CNTNAP5: variants seen among roughly 807,000 people sequenced by gnomAD.
The protein encoded by CNTNAP5 is contactin-associated protein-like 5.
A neutral mutation model predicts 150.2 loss-of-function variants in CNTNAP5; 72 were observed. The ratio of observed to expected loss-of-function variants is 0.48; its 90% CI spans 0.40 to 0.58. The LOEUF (loss-of-function observed/expected upper bound fraction) is 0.58. Among genes scored for constraint, CNTNAP5 ranks in the 20% least tolerant of loss-of-function variants. The probability of loss-of-function intolerance (pLI) is 0.00; values close to 1 mark genes in which losing one functional copy is unlikely to be tolerated. For missense variants in CNTNAP5, 1,636 were observed against 1,626.2 expected (o/e 1.01, Z -0.10); for synonymous variants, 672 against 619.8 (o/e 1.08, Z -1.25).
At chr2:124,071,770 C>A (rs1200705547) in intron 1 of CNTNAP5, among the ~76,000 whole-genome samples, 3 of 151,926 alleles carry the variant, frequency 2.0e-5, no homozygotes, top group Non-Finnish European at 4.4e-5. Flanking sequence ...AGCCTCACTG[C>A]TGAATTCTAC....
intron 4 of CNTNAP5, among the ~76,000 whole-genome samples, chr2:124,428,825 G>T (rs1004225236): frequency 6.6e-6 from 1 of 152,100 alleles, no homozygotes; most frequent in Non-Finnish European, 1.5e-5. Flanking sequence ...ATCTCCACAA[G>T]TGTGTTAGAG....
rs1382288032 is a variant in CNTNAP5 at position 124,122,355 on chromosome 2, TA to T, written c.82+96626del. Among the ~76,000 whole-genome samples the T allele has an allele frequency of 4.6e-5, 7 of 152,216 alleles. No individual in the cohort carries two copies. The East Asian group carries it at 1.2e-3, about 25-fold the overall frequency. On this transcript the variant is annotated intron_variant, in intron 1 of 23. Coordinates refer to ENST00000682447, the MANE Select transcript of CNTNAP5 (RefSeq NM_001367498.1). ...AGTCATAACAGCCCTTGCTTATTTT[TA>T]AAGTGTTTGCATATTGAATGATTCT...
intron 5 of CNTNAP5, among the ~76,000 whole-genome samples, chr2:124,446,174 C>A (rs1476195810): frequency 6.6e-6 from 1 of 152,114 alleles, no homozygotes; most frequent in Non-Finnish European, 1.5e-5. Context: ...CCTCCCTGAG[C>A]CTCAGAGTTC....
At chr2:124,346,929 A>AAT (rs574098540) in intron 3 of CNTNAP5, among the ~76,000 whole-genome samples, 160 of 150,340 alleles carry the variant, frequency 1.1e-3, no homozygotes, top group Non-Finnish European at 1.9e-3. Flanking sequence ...AAAAAAAAAA[A>AAT]AAAAATAGCT....
intron 13 of CNTNAP5, among the ~76,000 whole-genome samples, chr2:124,719,729 C>CT (rs1372187833): frequency 6.6e-6 from 1 of 151,944 alleles, no homozygotes; most frequent in African/African-American, 2.4e-5. Context: ...TGTAATTAAT[C>CT]TTTTTTATTA....
At chr2:124,814,761 T>G (rs1573635684) in intron 19 of CNTNAP5, among the ~76,000 whole-genome samples, 1 of 152,168 alleles carries the variant, frequency 6.6e-6, no homozygotes, top group Admixed American at 6.6e-5. Context: ...TTAAAAAAGT[T>G]GCAGATAATA....
rs71394021 is a variant in CNTNAP5, at chr2:124,084,924, GT to G, written c.82+59207del. Reference sequence around the variant, plus strand: ...TAAAAATTATGAATTCAAGTTTCCTGTTTTTTTTTTTTTTTGAGACGGAGTC... The same window carrying G: ...TAAAAATTATGAATTCAAGTTTCCTGTTTTTTTTTTTTTTGAGACGGAGTC... On this transcript the variant is annotated intron_variant, in intron 1 of 23. Transcript: ENST00000682447. Among the ~76,000 whole-genome samples the G allele has an allele frequency of 3.6e-4, 32 of 89,992 alleles. 1 individual carries two copies. The highest frequency in any genetic ancestry group is 1.2e-3 in the African/African-American group (29 of 23,762). The allele number at this position is 89,992 out of a possible 152,430, so 59.0% of individuals were successfully genotyped here. A position where few individuals can be genotyped will look rare whatever the true frequency, so the allele number is the denominator to read the frequency against.
intron 3 of CNTNAP5, among the ~76,000 whole-genome samples, chr2:124,336,743 A>G (rs1475944115): frequency 6.6e-6 from 1 of 151,904 alleles, no homozygotes. Flanking sequence ...CATGGTATAT[A>G]TGTGCCACAT....
chr2:124,450,583 G>A (rs900866148), intron 6 of CNTNAP5, among the ~76,000 whole-genome samples: 1 of 146,444 alleles, frequency 6.8e-6, no homozygotes, highest in Non-Finnish European at 1.5e-5. Context: ...AAAAAAAAGG[G>A]CAGAATGTAG....
intron 2 of CNTNAP5, among the ~76,000 whole-genome samples, chr2:124,236,222 T>G (rs1306009772): frequency 1.3e-5 from 2 of 152,176 alleles, no homozygotes; most frequent in Non-Finnish European, 2.9e-5. Context: ...CGCCTTGGCC[T>G]CCCAAAGTGC....
At chr2:124,887,471 T>C (rs537328304) in intron 21 of CNTNAP5, among the ~76,000 whole-genome samples, 1 of 152,208 alleles carries the variant, frequency 6.6e-6, no homozygotes, top group Non-Finnish European at 1.5e-5. Flanking sequence ...GATGTGGGAT[T>C]CTAGGCCTCA....
In CNTNAP5 at chr2:124,914,077, C is replaced by A; in HGVS notation, c.3728-15C>A. On this transcript the variant is annotated splice_polypyrimidine_tract_variant and intron_variant, in intron 23 of 23. Transcript: ENST00000682447. Reference sequence around the variant, plus strand: ...TGACGATTTCCTTCTCTCTTTCCTTCCCCTTTCTCTCCAGGGGTGATAGCA... The same window carrying A: ...TGACGATTTCCTTCTCTCTTTCCTTACCCTTTCTCTCCAGGGGTGATAGCA... The A allele has an allele frequency of 3.1e-6, 5 of 1,595,286 alleles. No homozygotes were observed. The highest frequency in any genetic ancestry group is 3.4e-6 in the Non-Finnish European group (4 of 1,165,362).
intron 13 of CNTNAP5, among the ~76,000 whole-genome samples, chr2:124,698,490 T>C (rs1168646564): frequency 6.6e-6 from 1 of 152,164 alleles, no homozygotes; most frequent in East Asian, 1.9e-4. Context: ...CTTAAACTTT[T>C]GTAAGCAAGA....
At chr2:124,461,771 C>T (rs930302054) in intron 6 of CNTNAP5, among the ~76,000 whole-genome samples, 8 of 150,794 alleles carry the variant, frequency 5.3e-5, no homozygotes, top group East Asian at 2.0e-4. Flanking sequence ...GCAGGAGAAT[C>T]GCTGGAAACC....
At chr2:124,220,480 C>T (rs906430054) in intron 1 of CNTNAP5, among the ~76,000 whole-genome samples, 2 of 152,038 alleles carry the variant, frequency 1.3e-5, no homozygotes, top group African/African-American at 2.4e-5. Context: ...TAGGGTCCCA[C>T]AAAATGTGTG....
chr2:124,522,182 C>G (rs1044400298), intron 8 of CNTNAP5, among the ~76,000 whole-genome samples: 1 of 152,174 alleles, frequency 6.6e-6, no homozygotes, highest in Non-Finnish European at 1.5e-5. Context: ...GGTACCGGCT[C>G]TTCACTTGCC....
At chr2:124,075,456 T>C (rs1359147322) in intron 1 of CNTNAP5, among the ~76,000 whole-genome samples, 1 of 152,192 alleles carries the variant, frequency 6.6e-6, no homozygotes, top group African/African-American at 2.4e-5. Context: ...TTTATGTTGA[T>C]AAGTTCATCT....
chr2:124,116,729 C>T (rs1381357090), intron 1 of CNTNAP5, among the ~76,000 whole-genome samples: 1 of 152,170 alleles, frequency 6.6e-6, no homozygotes, highest in African/African-American at 2.4e-5. Flanking sequence ...AATTTCCATA[C>T]ACCAGAACTT....
At chr2:124,126,647 G>C (rs185778997) in intron 1 of CNTNAP5, among the ~76,000 whole-genome samples, 1 of 152,106 alleles carries the variant, frequency 6.6e-6, no homozygotes, top group Non-Finnish European at 1.5e-5. Flanking sequence ...GAACATCAAC[G>C]CAAAATTCCT....
Sources: gnomAD v4.1 joint callset for allele counts (sites outside exome capture counted in the v4.1 genomes callset) on GRCh38, gnomAD v4.1.1 for gene constraint, MANE v1.5 for transcripts, NCBI Gene and HGNC (gene_info 2026-07-23, HGNC 2026-07-21) for gene names.